Variants in BRD10 observed in about 807,000 individuals in gnomAD.
BRD10 encodes bromodomain containing 10, also known as uncharacterized bromodomain-containing protein 10.
chr9:5,918,672 T>A, the BRD10 span, among the ~76,000 whole-genome samples: 6 of 146,906 alleles, frequency 4.1e-5, no homozygotes, highest in South Asian at 6.4e-4. Context: ...ATTAGTGGCA[T>A]TAGTGGCAAA....
At chr9:5,907,213 T>C in the BRD10 span, 1 of 320,590 alleles carries the variant, frequency 3.1e-6, no homozygotes, top group Non-Finnish European at 5.6e-6. Context: ...TACAGATATT[T>C]TCTTAATTGT....
chr9:5,948,300 CTATAT>C, the BRD10 span, among the ~76,000 whole-genome samples: 30 of 152,164 alleles, frequency 2.0e-4, no homozygotes, highest in Non-Finnish European at 3.8e-4. Flanking sequence ...ACTTCTCCTA[CTATAT>C]TATATTCTTT....
the BRD10 span, among the ~76,000 whole-genome samples, chr9:5,906,569 G>C: frequency 6.6e-6 from 1 of 152,314 alleles, no homozygotes; most frequent in Non-Finnish European, 1.5e-5. Context: ...TTTCACAAGA[G>C]TGTTCCTTTT....
At chr9:5,937,630 T>C in the BRD10 span, among the ~76,000 whole-genome samples, 1 of 152,366 alleles carries the variant, frequency 6.6e-6, no homozygotes, top group African/African-American at 2.4e-5. Flanking sequence ...CTCAACTCTG[T>C]GCTGGGATAA....
chr9:6,007,934 C>G, the BRD10 span: 1 of 1,330,070 alleles, frequency 7.5e-7, no homozygotes, highest in Non-Finnish European at 9.6e-7. Context: ...CGGCTCGGCT[C>G]GGTGCGCGCG....
the BRD10 span, among the ~76,000 whole-genome samples, chr9:5,924,177 G>A: frequency 2.0e-5 from 3 of 152,138 alleles, no homozygotes; most frequent in Non-Finnish European, 4.4e-5. Context: ...CAATTTCAAA[G>A]GGATTACAGA....
chr9:5,957,502 G>A, the BRD10 span, among the ~76,000 whole-genome samples: 1 of 152,090 alleles, frequency 6.6e-6, no homozygotes, highest in East Asian at 1.9e-4. Context: ...GCTATAAACA[G>A]GTAAAGAAAC....
At chr9:5,939,574 G>T in the BRD10 span, among the ~76,000 whole-genome samples, 1 of 152,194 alleles carries the variant, frequency 6.6e-6, no homozygotes, top group Non-Finnish European at 1.5e-5. Context: ...TTATGTAATA[G>T]AATTCTCTCT....
the BRD10 span, among the ~76,000 whole-genome samples, chr9:5,883,569 G>A: frequency 6.7e-6 from 1 of 148,944 alleles, no homozygotes; most frequent in African/African-American, 2.5e-5. Context: ...GGGCTCAGGT[G>A]ATCCTCTCAC....
the BRD10 span, chr9:5,933,961 A>G: frequency 9.8e-6 from 4 of 407,330 alleles, no homozygotes; most frequent in East Asian, 2.8e-4. Flanking sequence ...GCACACTTTA[A>G]TTTAGATACT....
the BRD10 span, among the ~76,000 whole-genome samples, chr9:5,932,072 T>C: frequency 6.6e-6 from 1 of 152,114 alleles, no homozygotes; most frequent in East Asian, 1.9e-4. Flanking sequence ...TGGTATACAA[T>C]GAAATTAATG....
At chr9:5,947,842 C>A in the BRD10 span, among the ~76,000 whole-genome samples, 1 of 151,968 alleles carries the variant, frequency 6.6e-6, no homozygotes, top group Admixed American at 6.6e-5. Context: ...AAAAGGAGAA[C>A]AAAGATTTTT....
the BRD10 span, chr9:5,920,441 G>A: frequency 7.6e-5 from 123 of 1,614,000 alleles, no homozygotes; most frequent in Middle Eastern, 4.9e-4. Context: ...TGCCGAAGCC[G>A]TGTGAATGGT....
the BRD10 span, among the ~76,000 whole-genome samples, chr9:5,904,604 C>G: frequency 6.6e-6 from 1 of 152,058 alleles, no homozygotes; most frequent in East Asian, 1.9e-4. Flanking sequence ...TCCTGAGTAG[C>G]TGAGATTAAA....
chr9:5,881,915 C>A, the BRD10 span, among the ~76,000 whole-genome samples: 1 of 152,306 alleles, frequency 6.6e-6, no homozygotes, highest in Non-Finnish European at 1.5e-5. Context: ...AATGGAGATA[C>A]AGAAAGACGT....
the BRD10 span, chr9:5,923,260 C>A: frequency 6.2e-7 from 1 of 1,613,334 alleles, no homozygotes; most frequent in Non-Finnish European, 8.5e-7. Flanking sequence ...CCTTTTTCAA[C>A]AGCTTGCTTC....
the BRD10 span, among the ~76,000 whole-genome samples, chr9:5,977,042 C>T: frequency 3.9e-5 from 6 of 152,058 alleles, no homozygotes; most frequent in East Asian, 1.9e-4. Flanking sequence ...TTACCTGCTG[C>T]GAATATTAAG....
chr9:5,960,992 A>G, the BRD10 span, among the ~76,000 whole-genome samples: 2 of 151,912 alleles, frequency 1.3e-5, no homozygotes, highest in African/African-American at 4.9e-5. Context: ...TCAAAAATAC[A>G]TAGTCTTTGA....
At chr9:5,895,500 G>C in the BRD10 span, among the ~76,000 whole-genome samples, 4 of 152,066 alleles carry the variant, frequency 2.6e-5, no homozygotes, top group African/African-American at 7.2e-5. Context: ...AATTGTGCCA[G>C]CAGGTGGAAT....
Sources: gnomAD v4.1 joint callset for allele counts (sites outside exome capture counted in the v4.1 genomes callset) on GRCh38, gnomAD v4.1.1 for gene constraint, MANE v1.5 for transcripts, NCBI Gene and HGNC (gene_info 2026-07-23, HGNC 2026-07-21) for gene names.